ROBO2: variants seen among roughly 807,000 people sequenced by gnomAD.
The protein encoded by ROBO2 is roundabout guidance receptor 2, also known as roundabout homolog 2.
In ROBO2, 53 loss-of-function variants were observed where a neutral mutation model predicts 160.8. The ratio of observed to expected loss-of-function variants is 0.33; its 90% confidence interval spans 0.26 to 0.41. The LOEUF is 0.41. Among genes scored for constraint, ROBO2 ranks in the 10% least tolerant of loss-of-function variants. ROBO2 has a pLI of 1.00. For synonymous variants in ROBO2, 664 were observed against 611.7 expected (o/e 1.09, Z -1.26); for missense variants, 1,577 against 1,722.4 (o/e 0.92, Z 1.49).
rs774844056 is a variant in ROBO2 at position 77,040,778 on chromosome 3, A to G, written c.-8A>G. Reference sequence around the variant, plus strand: ...TTAAAGAATCTGGATCCTTTTTAATATGTCAAAATGAGTCTGCTGATGTTT... The same window carrying G: ...TTAAAGAATCTGGATCCTTTTTAATGTGTCAAAATGAGTCTGCTGATGTTT... On this transcript the variant is annotated 5_prime_UTR_variant, in exon 1 of 26. It adds an upstream start codon to the 5' untranslated region. Transcript: ENST00000461745. 1.5e-5 allele frequency: 25 copies of G among 1,613,916 alleles called. No individual in the cohort carries two copies. The highest frequency in any genetic ancestry group is 2.1e-5 in the Non-Finnish European group (25 of 1,179,876).
At chr3:77,571,837 AT>A (rs1019106695) in intron 13 of ROBO2, among the ~76,000 whole-genome samples, 3 of 151,282 alleles carry the variant, frequency 2.0e-5, no homozygotes, top group South Asian at 2.1e-4. Context: ...AATCTCACCT[AT>A]TTTTTTTAAA....
At chr3:76,260,913 A>T (rs1037362450) in intron 2 of ROBO2, among the ~76,000 whole-genome samples, 1 of 151,968 alleles carries the variant, frequency 6.6e-6, no homozygotes, top group South Asian at 2.1e-4. Flanking sequence ...CCTGTTTCCA[A>T]TTTTTTCCCA....
intron 2 of ROBO2, among the ~76,000 whole-genome samples, chr3:76,381,914 A>G (rs571925025): frequency 3.9e-5 from 6 of 152,282 alleles, no homozygotes; most frequent in Admixed American, 1.3e-4. Flanking sequence ...ATGCTAGTCT[A>G]TGTCTCTAAT....
intron 2 of ROBO2, among the ~76,000 whole-genome samples, chr3:76,838,229 T>C (rs1293126919): frequency 6.6e-6 from 1 of 151,934 alleles, no homozygotes; most frequent in Non-Finnish European, 1.5e-5. Context: ...GGGGTTTACT[T>C]GAGAGTGGAT....
At chr3:76,956,595 T>A (rs1471959888) in intron 2 of ROBO2, among the ~76,000 whole-genome samples, 2 of 149,752 alleles carry the variant, frequency 1.3e-5, no homozygotes, top group East Asian at 3.9e-4. Context: ...ATCTGGTGCA[T>A]CAGTGTTGCA....
intron 2 of ROBO2, among the ~76,000 whole-genome samples, chr3:77,346,636 G>A (rs1378197552): frequency 6.6e-6 from 1 of 152,068 alleles, no homozygotes; most frequent in Admixed American, 6.6e-5. Context: ...TTCTACGGAT[G>A]AATCTGCTTT....
In ROBO2 at chr3:77,276,689, C is replaced by G. The variant is rs558372632; in HGVS notation, c.388+178349C>G. ...ATCACTTGGGCTCAGGAGTTCAAGA[C>G]CAGCCTGGGCAACTGGAGTCTGTTC... On this transcript the variant is annotated intron_variant, in intron 2 of 25. Transcript: ENST00000461745. 2.6e-5 allele frequency among the ~76,000 whole-genome samples: 4 copies of G among 152,248 alleles called. No individual in the cohort carries two copies. In the South Asian group the frequency reaches 8.3e-4, roughly 32 times the overall value.
chr3:76,850,743 G>T (rs1358848941), intron 2 of ROBO2, among the ~76,000 whole-genome samples: 1 of 152,050 alleles, frequency 6.6e-6, no homozygotes, highest in Non-Finnish European at 1.5e-5. Flanking sequence ...ACTAGAATAG[G>T]CTTTTAATCT....
chr3:77,622,376 G>A (rs751298481), exon 23 of ROBO2: 1 of 1,613,920 alleles, frequency 6.2e-7, no homozygotes, highest in African/African-American at 1.3e-5. Context: ...AGGCCCCTGA[G>A]AGCACTGGAC....
chr3:77,257,015 A>G (rs76708119), intron 2 of ROBO2, among the ~76,000 whole-genome samples: 1 of 152,114 alleles, frequency 6.6e-6, no homozygotes, highest in African/African-American at 2.4e-5. Context: ...CTCAGCAGAG[A>G]TGTAATTGCC....
At chr3:76,349,281 G>C (rs1450827644) in intron 2 of ROBO2, among the ~76,000 whole-genome samples, 1 of 152,030 alleles carries the variant, frequency 6.6e-6, no homozygotes, top group Non-Finnish European at 1.5e-5. Context: ...GCAAATTATA[G>C]TTTGTTTTAT....
At chr3:77,617,627 C>G (rs143561771) in exon 22 of ROBO2, 1 of 1,614,140 alleles carries the variant, frequency 6.2e-7, no homozygotes, top group Non-Finnish European at 8.5e-7. Context: ...CTGTTCGAGG[C>G]GTGGCTTCTT....
intron 21 of ROBO2, among the ~76,000 whole-genome samples, chr3:77,608,891 G>T (rs1394686386): frequency 6.6e-6 from 1 of 151,094 alleles, no homozygotes; most frequent in Non-Finnish European, 1.5e-5. Flanking sequence ...TATTATCTTG[G>T]CTTAAAAAAT....
chr3:77,045,599 G>T (rs2064569823), intron 1 of ROBO2, among the ~76,000 whole-genome samples: 1 of 152,148 alleles, frequency 6.6e-6, no homozygotes, highest in Non-Finnish European at 1.5e-5. Flanking sequence ...TCCCATCACA[G>T]TAAATGGCTT....
intron 2 of ROBO2, among the ~76,000 whole-genome samples, chr3:77,420,273 C>A (rs1331028390): frequency 2.0e-5 from 3 of 148,932 alleles, no homozygotes; most frequent in Non-Finnish European, 3.0e-5. Context: ...TTTTTTAAAT[C>A]AAATAAATAT....
intron 2 of ROBO2, among the ~76,000 whole-genome samples, chr3:76,109,223 C>A (rs936398978): frequency 6.7e-6 from 1 of 148,930 alleles, no homozygotes; most frequent in African/African-American, 2.5e-5. Context: ...TTACATTTTC[C>A]CAGATGAAAA....
intron 2 of ROBO2, among the ~76,000 whole-genome samples, chr3:76,254,818 C>T (rs62268408): frequency 6.6e-6 from 1 of 151,786 alleles, no homozygotes; most frequent in African/African-American, 2.4e-5. Flanking sequence ...GATCAATATC[C>T]TGGTTGTAGT....
chr3:77,460,312 A>G (rs2082115272), intron 2 of ROBO2, among the ~76,000 whole-genome samples: 1 of 152,168 alleles, frequency 6.6e-6, no homozygotes, highest in South Asian at 2.1e-4. Context: ...GCGGAAATAA[A>G]GACTTGTATG....
rs538763916 is a variant in ROBO2, at chr3:76,952,334, G to A, written c.110-145680G>A. On this transcript the variant is annotated intron_variant, in intron 2 of 26. Coordinates refer to the ROBO2 transcript ENST00000487694. ...TTTTGCTCTTTTTGCCCAGGCTGGA[G>A]TGCAATGGCACGATCTTGGCTCACC... Among the ~76,000 whole-genome samples, 20 of 152,034 alleles carry A rather than the reference G, an allele frequency of 1.3e-4. No homozygotes were observed. In the South Asian group the frequency reaches 3.7e-3, roughly 28 times the overall value.
Sources: allele counts gnomAD v4.1 joint callset (sites outside exome capture counted in the v4.1 genomes callset), GRCh38; gene constraint gnomAD v4.1.1; transcripts MANE v1.5; gene names NCBI Gene and HGNC (gene_info 2026-07-23, HGNC 2026-07-21).